The following COL24A1 variants were observed in gnomAD, a reference collection of about 807,000 sequenced individuals.
COL24A1 encodes the protein collagen alpha-1(XXIV) chain.
A neutral mutation model predicts 253.9 loss-of-function variants in COL24A1; 224 were observed. The observed-to-expected ratio is 0.88, with a 90% CI of 0.79 to 0.99. The LOEUF (loss-of-function observed/expected upper bound fraction) is 0.99. COL24A1 is among the 50% of genes least tolerant of loss of function. The pLI is 0.00. For missense variants in COL24A1, 2,131 were observed against 2,068.5 expected (o/e 1.03, Z -0.59); for synonymous variants, 685 against 673.7 (o/e 1.02, Z -0.26).
At chr1:85,910,490 T>G (rs991388361) in intron 25 of COL24A1, among the ~76,000 whole-genome samples, 2 of 151,862 alleles carry the variant, frequency 1.3e-5, no homozygotes, top group Non-Finnish European at 2.9e-5. Context: ...AAATCTGTCA[T>G]AGCAGCTTAA....
At chr1:85,781,328 A>C in intron 51 of COL24A1, 55 bp from the exon 52 acceptor site, 4 of 1,193,768 alleles carry the variant, frequency 3.4e-6, no homozygotes, top group Non-Finnish European at 4.8e-6. Context: ...AAAAAAAAAA[A>C]CTCCACAGAA....
At chr1:85,925,053 G>T (rs1459095436) in intron 24 of COL24A1, among the ~76,000 whole-genome samples, 1 of 152,122 alleles carries the variant, frequency 6.6e-6, no homozygotes, top group African/African-American at 2.4e-5. Flanking sequence ...GCCAAATCAT[G>T]AGTGAACTCT....
chr1:85,910,452 GAAAT>G (rs1464938127), intron 25 of COL24A1, among the ~76,000 whole-genome samples: 1 of 151,792 alleles, frequency 6.6e-6, no homozygotes, highest in African/African-American at 2.4e-5. Flanking sequence ...AGTGCCATAA[GAAAT>G]AAGTCTGGAA....
chr1:86,016,382 CTTAT>C (rs1182649432), intron 19 of COL24A1, among the ~76,000 whole-genome samples: 6 of 152,182 alleles, frequency 3.9e-5, no homozygotes, highest in Non-Finnish European at 5.9e-5. Flanking sequence ...ATTGCTCTAA[CTTAT>C]TTATTCTGAT....
At chr1:86,134,029 C>T in intron 2 of COL24A1, among the ~76,000 whole-genome samples, 2 of 152,000 alleles carry the variant, frequency 1.3e-5, no homozygotes, top group Non-Finnish European at 2.9e-5. Flanking sequence ...ATTTCAGAGC[C>T]TGTTATTGGT....
intron 28 of COL24A1, among the ~76,000 whole-genome samples, chr1:85,896,703 T>A (rs1202860650): frequency 6.6e-6 from 1 of 152,156 alleles, no homozygotes; most frequent in African/African-American, 2.4e-5. Context: ...TTTCACTGTG[T>A]TAGCCAGGAT....
In COL24A1 at chr1:85,861,263, C is replaced by T. The variant is rs188559024; in HGVS notation, c.3300+7256G>A. On this transcript the variant is annotated intron_variant, in intron 37 of 59. Coordinates refer to ENST00000370571, the MANE Select transcript of COL24A1 (RefSeq NM_152890.7). Reference sequence around the variant, plus strand: ...AGCATCTTTTCATGCACTTATTAGTCATTTGTATATCTTCTTTGGAGATAT... The same window carrying T: ...AGCATCTTTTCATGCACTTATTAGTTATTTGTATATCTTCTTTGGAGATAT... Among the ~76,000 whole-genome samples the T allele has an allele frequency of 1.0e-3, 157 of 152,138 alleles. 1 individual carries two copies. The highest frequency in any genetic ancestry group is 3.6e-3 in the African/African-American group (151 of 41,504).
intron 24 of COL24A1, among the ~76,000 whole-genome samples, chr1:85,938,685 G>T (rs1007522398): frequency 2.1e-5 from 3 of 145,932 alleles, no homozygotes; most frequent in Non-Finnish European, 4.5e-5. Context: ...TGCTTCCAAG[G>T]TACTCCTTCA....
chr1:85,903,350 C>T (rs1684504037), intron 28 of COL24A1, among the ~76,000 whole-genome samples: 1 of 152,170 alleles, frequency 6.6e-6, no homozygotes, highest in Non-Finnish European at 1.5e-5. Context: ...GAAAGCTTAG[C>T]TTTATCAACA....
At chr1:86,008,885 T>G (rs1200327910) in intron 19 of COL24A1, among the ~76,000 whole-genome samples, 1 of 147,488 alleles carries the variant, frequency 6.8e-6, no homozygotes, top group Non-Finnish European at 1.5e-5. Flanking sequence ...AAACCCCTTT[T>G]ACTATAACAA....
In COL24A1 at chr1:86,071,219, A is replaced by G. The variant is rs112235912; in HGVS notation, c.1708-7460T>C. 3.3e-3 allele frequency among the ~76,000 whole-genome samples: 510 copies of G among 152,260 alleles called. 1 individual carries two copies. Among genetic ancestry groups the G allele is most frequent in the African/African-American group, 0.011 (474 of 41,538 alleles). On this transcript the variant is annotated intron_variant, in intron 7 of 59. Coordinates refer to ENST00000370571, the MANE Select transcript of COL24A1 (RefSeq NM_152890.7). ...AGATAGTATTTGCAAGCCTCATGGT[A>G]ACCTCAAACCAAAAAAACATACAAC...
At chr1:85,816,732 A>G in intron 47 of COL24A1, 56 bp downstream of exon 47, 1 of 1,430,220 alleles carries the variant, frequency 7.0e-7, no homozygotes, top group Non-Finnish European at 9.9e-7. Context: ...TCTATGGTCT[A>G]GCAAGGAGAC....
chr1:86,038,482 T>A (rs572675304), intron 12 of COL24A1, among the ~76,000 whole-genome samples: 1 of 152,236 alleles, frequency 6.6e-6, no homozygotes, highest in South Asian at 2.1e-4. Flanking sequence ...GCAAGAGATG[T>A]GGAGAATTTC....
At position 86,113,860 on chromosome 1, in the gene COL24A1, A is replaced by G. The variant is rs867830098; in HGVS notation, c.1546-1240T>C. ...CACAAAAAAAAAAAAAAAAAAAAAA[A>G]AAAGAAAGAAAAAAATGGTTAGATG... On this transcript the variant is annotated intron_variant, in intron 4 of 59. Transcript: ENST00000370571. 2.2e-3 allele frequency among the ~76,000 whole-genome samples: 332 copies of G among 150,734 alleles called. 3 individuals are homozygous for G. Among genetic ancestry groups the G allele is most frequent in the Non-Finnish European group, 3.9e-3 (267 of 67,688 alleles).
chr1:85,926,782 G>A (rs578254260), intron 24 of COL24A1, among the ~76,000 whole-genome samples: 1 of 151,978 alleles, frequency 6.6e-6, no homozygotes, highest in Non-Finnish European at 1.5e-5. Flanking sequence ...AAACCTGCAC[G>A]TTGTGCACAT....
chr1:86,098,346 G>A (rs568801152), intron 5 of COL24A1, among the ~76,000 whole-genome samples: 4 of 151,846 alleles, frequency 2.6e-5, no homozygotes, highest in Admixed American at 6.6e-5. Flanking sequence ...GGGGAGGGGA[G>A]CAGAGGAGAG....
intron 31 of COL24A1, 36 bp downstream of exon 31, chr1:85,895,822 A>G: frequency 6.3e-7 from 1 of 1,576,182 alleles, no homozygotes; most frequent in Non-Finnish European, 8.6e-7. Context: ...AATGCAGATA[A>G]AAATTTTTCA....
At chr1:85,760,672 C>T (rs957945007) in intron 55 of COL24A1, among the ~76,000 whole-genome samples, 3 of 152,064 alleles carry the variant, frequency 2.0e-5, no homozygotes, top group African/African-American at 7.2e-5. Context: ...GTGTAGCGAA[C>T]AGTAGATCCA....
At chr1:86,134,327 G>A (rs886977938) in intron 2 of COL24A1, among the ~76,000 whole-genome samples, 1 of 151,766 alleles carries the variant, frequency 6.6e-6, no homozygotes, top group Non-Finnish European at 1.5e-5. Flanking sequence ...TTTTTTGAAG[G>A]TTTTTTGTGT....
Sources: allele counts gnomAD v4.1 joint callset (sites outside exome capture counted in the v4.1 genomes callset), GRCh38; gene constraint gnomAD v4.1.1; transcripts MANE v1.5; gene names NCBI Gene and HGNC (gene_info 2026-07-23, HGNC 2026-07-21).